The following CARNMT1 variants were observed in gnomAD, a reference collection of about 807,000 sequenced individuals.
CARNMT1 encodes the protein carnosine N-methyltransferase 1, also known as protein-L-histidine N-pros-methyltransferase CARNMT1.
In CARNMT1, 28 loss-of-function variants were observed where a neutral mutation model predicts 49.6. The ratio of observed to expected loss-of-function variants is 0.56; its 90% CI spans 0.42 to 0.77. CARNMT1 has a LOEUF of 0.77. CARNMT1 is among the 30% of genes least tolerant of loss of function. The probability of loss-of-function intolerance (pLI) is 0.00; values close to 1 mark genes in which losing one functional copy is unlikely to be tolerated. For synonymous variants in CARNMT1, 178 were observed against 175.0 expected (o/e 1.02, Z -0.13); for missense variants, 421 against 512.6 (o/e 0.82, Z 1.73).
chr9:75,017,520 T>G (rs1564105454), intron 1 of CARNMT1, 72 bp from the exon 2 acceptor site: 1 of 1,293,638 alleles, frequency 7.7e-7, no homozygotes, highest in Non-Finnish European at 1.1e-6. Context: ...TTTAAGGTTG[T>G]CTTTCTGTAC....
At chr9:75,005,576 C>T (rs547220957) in intron 3 of CARNMT1, among the ~76,000 whole-genome samples, 2 of 151,080 alleles carry the variant, frequency 1.3e-5, no homozygotes, top group Non-Finnish European at 3.0e-5. Context: ...GGGTTCACAC[C>T]ATTCTCCTGC....
chr9:75,020,743 C>T lies in CARNMT1; in HGVS notation c.231-3295G>A, dbSNP rs180841451. 1.1e-4 allele frequency among the ~76,000 whole-genome samples: 16 copies of T among 152,206 alleles called. 1 individual carries two copies. The highest frequency in any genetic ancestry group is 6.5e-4 in the Admixed American group (10 of 15,290). ...AAACAACCAAAAACCTGGCTGGTCG[C>T]GTTTTTACAAGCTTGTGTTTGGTGG... On this transcript the variant is annotated intron_variant, in intron 1 of 7. Transcript: ENST00000376834.
At chr9:75,012,408 T>TTCTG (rs1833720345) in intron 3 of CARNMT1, among the ~76,000 whole-genome samples, 1 of 150,694 alleles carries the variant, frequency 6.6e-6, no homozygotes, top group South Asian at 2.1e-4. Context: ...TGCCTCAGAC[T>TTCTG]CCTGAGTAGC....
At chr9:75,009,380 G>T (rs1833617584) in intron 3 of CARNMT1, among the ~76,000 whole-genome samples, 2 of 151,950 alleles carry the variant, frequency 1.3e-5, no homozygotes, top group Admixed American at 1.3e-4. Context: ...ACTGGTGTTT[G>T]CCACCATGCC....
intron 3 of CARNMT1, among the ~76,000 whole-genome samples, chr9:75,005,017 G>A (rs1400008520): frequency 6.6e-6 from 1 of 152,042 alleles, no homozygotes; most frequent in Non-Finnish European, 1.5e-5. Context: ...AAGCTTTACA[G>A]CACTGAATTC....
chr9:74,988,200 C>A (rs1832903951), intron 6 of CARNMT1, among the ~76,000 whole-genome samples: 1 of 152,008 alleles, frequency 6.6e-6, no homozygotes, highest in Non-Finnish European at 1.5e-5. Context: ...TACAGGCATG[C>A]AACACCACAC....
intron 3 of CARNMT1, among the ~76,000 whole-genome samples, chr9:75,008,692 T>C (rs1833594431): frequency 6.6e-6 from 1 of 152,182 alleles, no homozygotes; most frequent in South Asian, 2.1e-4. Context: ...TCTAAATAGA[T>C]GGAAAGACAT....
intron 6 of CARNMT1, among the ~76,000 whole-genome samples, chr9:74,994,022 G>A (rs1587659460): frequency 6.6e-6 from 1 of 152,172 alleles, no homozygotes; most frequent in South Asian, 2.1e-4. Context: ...GACTTCTAAG[G>A]AAGTAATTAA....
At position 74,983,714 on chromosome 9, in the gene CARNMT1, T is replaced by C; in HGVS notation, c.*53A>G. The C allele has an allele frequency of 9.4e-7, 1 of 1,069,260 alleles. No individual in the cohort carries two copies. Among genetic ancestry groups the C allele is most frequent in the Non-Finnish European group, 1.4e-6 (1 of 716,604 alleles). 66.2% of individuals were successfully genotyped at this position (1,069,260 alleles called of 1,614,324 possible). On this transcript the variant is annotated 3_prime_UTR_variant, in exon 8 of 8. Transcript: ENST00000376834. ...CTGATAGTTGATTTTGAGTCGTTGATTTCAGCATTTGTTCTTACTAAACTT... is the reference window on the plus strand; with the variant it reads ...CTGATAGTTGATTTTGAGTCGTTGACTTCAGCATTTGTTCTTACTAAACTT...
At chr9:74,997,098 C>T (rs1401058795) in intron 5 of CARNMT1, among the ~76,000 whole-genome samples, 1 of 152,084 alleles carries the variant, frequency 6.6e-6, no homozygotes, top group East Asian at 1.9e-4. Flanking sequence ...TAGAGAACAC[C>T]GTTTGCCTCT....
intron 3 of CARNMT1, among the ~76,000 whole-genome samples, chr9:75,009,580 A>G (rs1238417623): frequency 6.6e-6 from 1 of 152,232 alleles, no homozygotes; most frequent in Non-Finnish European, 1.5e-5. Flanking sequence ...ATATTTCTAG[A>G]TGCAAGGCTT....
intron 7 of CARNMT1, 133 bp from the exon 8 acceptor site, chr9:74,984,001 AAG>A: frequency 2.1e-6 from 1 of 479,888 alleles, no homozygotes; most frequent in Non-Finnish European, 3.7e-6. Context: ...CTACCCCCAT[AAG>A]AGAGGTACTA....
chr9:75,002,063 A>G (rs1388085005), intron 3 of CARNMT1, among the ~76,000 whole-genome samples: 1 of 152,224 alleles, frequency 6.6e-6, no homozygotes, highest in Admixed American at 6.5e-5. Flanking sequence ...ATTTACTACA[A>G]TGTGACCTCC....
chr9:74,986,695 C>T (rs1427381714), intron 6 of CARNMT1, among the ~76,000 whole-genome samples: 1 of 152,186 alleles, frequency 6.6e-6, no homozygotes, highest in Non-Finnish European at 1.5e-5. Context: ...ACCTAGAAAG[C>T]TCCAACCCTC....
intron 6 of CARNMT1, among the ~76,000 whole-genome samples, chr9:74,985,661 C>A (rs1832814076): frequency 6.6e-6 from 1 of 152,002 alleles, no homozygotes; most frequent in African/African-American, 2.4e-5. Context: ...CTTACTGCAA[C>A]CTCCACCTCC....
intron 1 of CARNMT1, among the ~76,000 whole-genome samples, chr9:75,017,872 T>C (rs1013006718): frequency 6.6e-6 from 1 of 152,088 alleles, no homozygotes; most frequent in African/African-American, 2.4e-5. Flanking sequence ...GCTAACCAGG[T>C]TGATTTTTTT....
chr9:74,996,742 A>C (rs1437966228), intron 5 of CARNMT1, among the ~76,000 whole-genome samples, 182 bp from the exon 6 acceptor site: 1 of 152,184 alleles, frequency 6.6e-6, no homozygotes, highest in Admixed American at 6.5e-5. Context: ...GGAAATACTG[A>C]TATCAATAAT....
At chr9:74,990,175 G>T (rs377207533) in intron 6 of CARNMT1, among the ~76,000 whole-genome samples, 5 of 152,072 alleles carry the variant, frequency 3.3e-5, no homozygotes, top group East Asian at 3.9e-4. Context: ...AACTGATAAG[G>T]TCAATTCATA....
Position 75,028,062 on chromosome 9 carries a change from C to G in CARNMT1, c.180G>C (p.Arg60Ser). The G allele has an allele frequency of 6.3e-7, 1 of 1,580,032 alleles. No homozygotes were observed. The highest frequency in any genetic ancestry group is 8.6e-7 in the Non-Finnish European group (1 of 1,165,502). The change falls in exon 1 of 8, where the codon AGG (arginine) becomes AGC (serine). Residue 60 changes from arginine to serine, a missense_variant. Coordinates refer to ENST00000376834, the MANE Select transcript of CARNMT1 (RefSeq NM_152420.3). ...ATRSTEEEEE[R>S]LEREHFWKII... ...TCTTCCAGAAGTGCTCACGCTCAAG[C>G]CTCTCCTCCTCCTCCTCGGTGCTGC...
Sources: allele counts gnomAD v4.1 joint callset (sites outside exome capture counted in the v4.1 genomes callset), GRCh38; gene constraint gnomAD v4.1.1; transcripts MANE v1.5; gene names NCBI Gene and HGNC (gene_info 2026-07-23, HGNC 2026-07-21).